Variants in RAB6B observed in about 807,000 individuals in gnomAD.
RAB6B encodes the protein ras-related protein Rab-6B.
RAB6B carries 7 observed loss-of-function variants against 31.2 expected under a neutral mutation model. That is an observed-to-expected ratio of 0.22 (90% CI 0.13 to 0.42). The LOEUF is 0.42. RAB6B is among the 10% of genes least tolerant of loss of function. RAB6B has a pLI of 1.00. For missense variants in RAB6B, 149 were observed against 280.6 expected, an observed-to-expected ratio of 0.53 and a Z score of 3.35; for synonymous variants, 105 against 104.9, an observed-to-expected ratio of 1.00 and a Z score of -0.01.
chr3:133,870,763 T>C (rs557287736), intron 1 of RAB6B, among the ~76,000 whole-genome samples: 1 of 152,348 alleles, frequency 6.6e-6, no homozygotes, highest in Non-Finnish European at 1.5e-5. Flanking sequence ...ATTCAATCCC[T>C]TGTCCTAAAG....
chr3:133,827,746 ACCCC>A lies in RAB6B; in HGVS notation c.*1038_*1041del, dbSNP rs55951806. On this transcript the variant is annotated 3_prime_UTR_variant, in exon 8 of 8. Transcript: ENST00000285208. ...TCAAGGTGGTGGTTCTGCAGACAAC[ACCCC>A]CCCCCCCCCCCGCCTCCCCATCACA... 0.061 allele frequency: 4,440 copies of A among 73,260 alleles called. 243 individuals are homozygous for A. The highest frequency in any genetic ancestry group is 0.21 in the African/African-American group (2,792 of 13,148). 4.5% of individuals were successfully genotyped at this position (73,260 alleles called of 1,614,324 possible).
chr3:133,867,616 G>C (rs565440261), intron 1 of RAB6B, among the ~76,000 whole-genome samples: 42 of 152,322 alleles, frequency 2.8e-4, no homozygotes, highest in African/African-American at 9.6e-4. Context: ...TATTGCCACT[G>C]CTGTGGCGCT....
At chr3:133,872,166 G>C (rs112238152) in intron 1 of RAB6B, among the ~76,000 whole-genome samples, 2,379 of 152,372 alleles carry the variant, frequency 0.016, 55 homozygotes, top group African/African-American at 0.045. Context: ...AGAAGGTGGT[G>C]CTCAGGGCTG....
chr3:133,855,403 G>C (rs1936060028), intron 2 of RAB6B, among the ~76,000 whole-genome samples: 1 of 152,246 alleles, frequency 6.6e-6, no homozygotes, highest in Admixed American at 6.5e-5. Flanking sequence ...TCCCAATGGA[G>C]AGTGGCTTGT....
chr3:133,892,979 C>G (rs1936657047), intron 1 of RAB6B, among the ~76,000 whole-genome samples: 1 of 152,150 alleles, frequency 6.6e-6, no homozygotes, highest in Non-Finnish European at 1.5e-5. Context: ...CTAAAAGAAC[C>G]CACTAACAAT....
intron 1 of RAB6B, among the ~76,000 whole-genome samples, chr3:133,878,289 G>A (rs1299933522): frequency 6.6e-6 from 1 of 151,888 alleles, no homozygotes; most frequent in Non-Finnish European, 1.5e-5. Flanking sequence ...AGTAGTCAGA[G>A]AAAAAAAGAC....
intron 6 of RAB6B, 124 bp from the exon 7 acceptor site, chr3:133,834,765 C>A (rs548021856): frequency 5.6e-6 from 5 of 887,916 alleles, no homozygotes; most frequent in Non-Finnish European, 9.2e-6. Flanking sequence ...ATCTGCCCAG[C>A]GGACGGTGCC....
intron 2 of RAB6B, among the ~76,000 whole-genome samples, chr3:133,847,978 G>A (rs539033795): frequency 3.9e-4 from 60 of 152,056 alleles, no homozygotes; most frequent in South Asian, 2.3e-3. Context: ...ATTTACTCTC[G>A]ATGCTTCAAA....
chr3:133,875,239 C>A (rs1333571996), intron 1 of RAB6B, among the ~76,000 whole-genome samples: 8 of 152,070 alleles, frequency 5.3e-5, no homozygotes, highest in African/African-American at 1.7e-4. Flanking sequence ...CACAATCAAG[C>A]TAATTAACAT....
chr3:133,857,007 G>A (rs866944198), intron 2 of RAB6B, among the ~76,000 whole-genome samples: 22 of 152,292 alleles, frequency 1.4e-4, no homozygotes, highest in Non-Finnish European at 2.2e-4. Context: ...TGCTCTGCCC[G>A]AAGTCTATGG....
intron 5 of RAB6B, among the ~76,000 whole-genome samples, chr3:133,838,641 A>G (rs1935777637): frequency 6.6e-6 from 1 of 152,156 alleles, no homozygotes; most frequent in East Asian, 1.9e-4. Flanking sequence ...TCCCTGTGAG[A>G]ACACTAATGC....
At chr3:133,880,665 T>G (rs1414399614) in intron 1 of RAB6B, among the ~76,000 whole-genome samples, 1 of 152,246 alleles carries the variant, frequency 6.6e-6, no homozygotes, top group Non-Finnish European at 1.5e-5. Flanking sequence ...CTTCTCTTCC[T>G]GTCCTTCCAT....
chr3:133,865,638 G>T (rs1217072133), intron 1 of RAB6B, among the ~76,000 whole-genome samples: 1 of 152,252 alleles, frequency 6.6e-6, no homozygotes, highest in Non-Finnish European at 1.5e-5. Context: ...AGCCCTTTCT[G>T]CACTAGGCTT....
At chr3:133,888,063 T>A (rs1238173242) in intron 1 of RAB6B, among the ~76,000 whole-genome samples, 1 of 152,044 alleles carries the variant, frequency 6.6e-6, no homozygotes, top group Non-Finnish European at 1.5e-5. Flanking sequence ...TCCCCACGAG[T>A]CATGCACAGC....
rs1025448793 is a variant in RAB6B at position 133,824,614 on chromosome 3, T to C, written c.*4174A>G. The C allele has an allele frequency of 2.6e-5, 4 of 152,096 alleles. No individual in the cohort carries two copies. The allele number at this position is 152,096 out of a possible 1,614,324, so 9.4% of individuals were successfully genotyped here. ...TGAGATCCCAAGGTTTTGGAACACC[T>C]AAATAGTTCATGTCAAACAAAAATT... On this transcript the variant is annotated 3_prime_UTR_variant, in exon 8 of 8. Coordinates refer to ENST00000285208, the MANE Select transcript of RAB6B (RefSeq NM_016577.4).
chr3:133,895,688 G>A lies in RAB6B; in HGVS notation c.-222C>T. The A allele has an allele frequency of 1.7e-6, 1 of 579,334 alleles. No individual in the cohort carries two copies. Among genetic ancestry groups the A allele is most frequent in the East Asian group, 3.1e-5 (1 of 32,532 alleles). The allele number at this position is 579,334 out of a possible 1,614,324, so 35.9% of individuals were successfully genotyped here. A position where few individuals can be genotyped will look rare whatever the true frequency, so the allele number is the denominator to read the frequency against. On this transcript the variant is annotated 5_prime_UTR_variant, in exon 1 of 8. Transcript: ENST00000285208. ...GAGAGAGAGGCGGAGGCGGAGGAAGGCTGGGGCTGGGCTGCTGCGGTCGGC... is the reference window on the plus strand; with the variant it reads ...GAGAGAGAGGCGGAGGCGGAGGAAGACTGGGGCTGGGCTGCTGCGGTCGGC...
intron 1 of RAB6B, among the ~76,000 whole-genome samples, chr3:133,893,926 G>A (rs1361838807): frequency 6.6e-6 from 1 of 152,160 alleles, no homozygotes; most frequent in Non-Finnish European, 1.5e-5. Flanking sequence ...GCAAACGCTG[G>A]CTGGCTGAGT....
chr3:133,851,404 A>G (rs889850546), intron 2 of RAB6B, among the ~76,000 whole-genome samples: 3 of 152,238 alleles, frequency 2.0e-5, no homozygotes, highest in Non-Finnish European at 2.9e-5. Context: ...GAGCCAAAGA[A>G]CTGATAAACG....
intron 5 of RAB6B, 54 bp downstream of exon 5, chr3:133,839,452 C>A (rs1367320661): frequency 1.4e-6 from 2 of 1,433,590 alleles, no homozygotes; most frequent in African/African-American, 2.8e-5. Context: ...TGTCCAGGAG[C>A]AGTTACAGAG....
Sources: allele counts gnomAD v4.1 joint callset (sites outside exome capture counted in the v4.1 genomes callset), GRCh38; gene constraint gnomAD v4.1.1; transcripts MANE v1.5; gene names NCBI Gene and HGNC (gene_info 2026-07-23, HGNC 2026-07-21).